ZMAT4: variants seen among roughly 807,000 people sequenced by gnomAD.
The protein encoded by ZMAT4 is zinc finger matrin-type protein 4.
A neutral mutation model predicts 28.7 loss-of-function variants in ZMAT4; 17 were observed. The ratio of observed to expected loss-of-function variants is 0.59; its 90% CI spans 0.41 to 0.89. ZMAT4 has a LOEUF of 0.89. ZMAT4 is among the 40% of genes least tolerant of loss of function. The pLI, the probability that ZMAT4 is intolerant of heterozygous loss-of-function variation, is 0.00. For synonymous variants in ZMAT4, 117 were observed against 109.2 expected (o/e 1.07, Z -0.44); for missense variants, 240 against 283.8 (o/e 0.85, Z 1.11).
intron 5 of ZMAT4, among the ~76,000 whole-genome samples, chr8:40,630,653 C>A (rs1806541324): frequency 6.6e-6 from 1 of 152,126 alleles, no homozygotes; most frequent in South Asian, 2.1e-4. Flanking sequence ...TAAGCTGTAC[C>A]ATATTACAAC....
At position 40,665,163 on chromosome 8, in the gene ZMAT4, G is replaced by T. The variant is rs1047980997; in HGVS notation, c.577+9541C>A. On this transcript the variant is annotated intron_variant, in intron 5 of 6. Transcript: ENST00000297737. ...GGAGGTTGCAGTGAGCTGAGATTGC[G>T]CCACTGCACTCCAGGCTGGGTGACA... Among the ~76,000 whole-genome samples, 7 of 151,988 alleles carry T rather than the reference G, an allele frequency of 4.6e-5. 1 individual carries two copies. In the South Asian group the frequency reaches 1.5e-3, roughly 32 times the overall value.
intron 6 of ZMAT4, among the ~76,000 whole-genome samples, chr8:40,536,324 C>A (rs1412030352): frequency 1.3e-5 from 2 of 152,184 alleles, no homozygotes; most frequent in Non-Finnish European, 2.9e-5. Context: ...GCATCCCCTG[C>A]CCCATGTCCT....
intron 5 of ZMAT4, among the ~76,000 whole-genome samples, chr8:40,591,620 G>A (rs2118582111): frequency 6.6e-6 from 1 of 152,206 alleles, no homozygotes; most frequent in Non-Finnish European, 1.5e-5. Flanking sequence ...AGAAAAAACA[G>A]CCTTACAAAG....
At chr8:40,617,289 A>G (rs948099806) in intron 5 of ZMAT4, among the ~76,000 whole-genome samples, 2 of 152,240 alleles carry the variant, frequency 1.3e-5, no homozygotes, top group Non-Finnish European at 1.5e-5. Flanking sequence ...GATGTACACA[A>G]GAAGTTTCTT....
chr8:40,815,173 G>A lies in ZMAT4; in HGVS notation c.102+10402C>T, dbSNP rs142718082. 5.6e-4 allele frequency among the ~76,000 whole-genome samples: 86 copies of A among 152,278 alleles called. No individual in the cohort carries two copies. The East Asian group carries it at 0.014, about 24-fold the overall frequency. ...GCCTGTAATCCCAGCTACTCGAGTG[G>A]CTGATGCAGGAGAATCTCTTGAATC... On this transcript the variant is annotated intron_variant, in intron 2 of 6. Coordinates refer to ENST00000297737, the MANE Select transcript of ZMAT4 (RefSeq NM_024645.3).
At chr8:40,661,092 G>A (rs1808173095) in intron 5 of ZMAT4, among the ~76,000 whole-genome samples, 1 of 152,016 alleles carries the variant, frequency 6.6e-6, no homozygotes, top group Admixed American at 6.6e-5. Context: ...TGTTCTACTT[G>A]GAGTAAATCT....
At chr8:40,843,932 T>C (rs1330846952) in intron 1 of ZMAT4, among the ~76,000 whole-genome samples, 1 of 152,206 alleles carries the variant, frequency 6.6e-6, no homozygotes, top group Non-Finnish European at 1.5e-5. Context: ...CAGTCCCTTC[T>C]ATCTTTCCCC....
chr8:40,818,881 A>G (rs1211653875), intron 2 of ZMAT4, among the ~76,000 whole-genome samples: 1 of 152,250 alleles, frequency 6.6e-6, no homozygotes, highest in Non-Finnish European at 1.5e-5. Flanking sequence ...AGAAGAAGGT[A>G]TGAGAGTCTA....
chr8:40,740,193 G>C (rs1471988216), intron 3 of ZMAT4, among the ~76,000 whole-genome samples: 1 of 151,968 alleles, frequency 6.6e-6, no homozygotes, highest in African/African-American at 2.4e-5. Context: ...TGGTATTTCT[G>C]GTATTTCTTG....
chr8:40,874,567 T>C (rs1284129014), intron 1 of ZMAT4, among the ~76,000 whole-genome samples: 1 of 152,218 alleles, frequency 6.6e-6, no homozygotes, highest in Non-Finnish European at 1.5e-5. Flanking sequence ...CACATGCATC[T>C]TTCCCTTGCT....
chr8:40,746,680 T>C (rs1413176648), intron 3 of ZMAT4, among the ~76,000 whole-genome samples: 1 of 152,118 alleles, frequency 6.6e-6, no homozygotes, highest in African/African-American at 2.4e-5. Flanking sequence ...TAGTGCCCTT[T>C]CACTTTTAGA....
chr8:40,792,221 G>GA (rs1270491305), intron 2 of ZMAT4, among the ~76,000 whole-genome samples: 5 of 151,778 alleles, frequency 3.3e-5, no homozygotes, highest in Admixed American at 3.3e-4. Flanking sequence ...TTTTGTATGT[G>GA]AAAAAAGGAT....
At chr8:40,684,628 A>G (rs1456246478) in intron 4 of ZMAT4, among the ~76,000 whole-genome samples, 1 of 152,232 alleles carries the variant, frequency 6.6e-6, no homozygotes, top group African/African-American at 2.4e-5. Context: ...AGCATTAGCT[A>G]TTCAACTAGA....
intron 5 of ZMAT4, among the ~76,000 whole-genome samples, chr8:40,657,708 A>AT (rs1239516988): frequency 6.6e-6 from 1 of 152,128 alleles, no homozygotes; most frequent in East Asian, 1.9e-4. Flanking sequence ...TAAAGAAATG[A>AT]TTTTTTTCTC....
At chr8:40,657,549 C>T (rs941132054) in intron 5 of ZMAT4, among the ~76,000 whole-genome samples, 2 of 151,808 alleles carry the variant, frequency 1.3e-5, no homozygotes, top group South Asian at 4.2e-4. Context: ...TTGTTGCTGA[C>T]ATCTATATAA....
chr8:40,677,561 G>A (rs1357770510), intron 4 of ZMAT4, among the ~76,000 whole-genome samples: 5 of 152,136 alleles, frequency 3.3e-5, no homozygotes, highest in South Asian at 4.1e-4. Context: ...CCCATAGGGT[G>A]TGGACAGAAC....
At chr8:40,648,066 T>A (rs1025967897) in intron 5 of ZMAT4, among the ~76,000 whole-genome samples, 4 of 152,188 alleles carry the variant, frequency 2.6e-5, no homozygotes, top group African/African-American at 9.7e-5. Context: ...GGAACAAAGC[T>A]GGATGGAGAA....
rs565955576 is a variant in ZMAT4 at position 40,871,703 on chromosome 8, A to G, written c.-5+25980T>C. Among the ~76,000 whole-genome samples, 3 of 152,300 alleles carry G rather than the reference A, an allele frequency of 2.0e-5. No homozygotes were observed. In the South Asian group the frequency reaches 6.2e-4, roughly 32 times the overall value. On this transcript the variant is annotated intron_variant, in intron 1 of 6. Transcript: ENST00000297737. ...CAACCCACCCGCTAGCTAGCCCAGG[A>G]CAGCACTGAGGTGTGGACTCATCCT...
chr8:40,598,970 G>C (rs1424450347), intron 5 of ZMAT4, among the ~76,000 whole-genome samples: 2 of 152,244 alleles, frequency 1.3e-5, no homozygotes, highest in East Asian at 1.9e-4. Context: ...AATTCAATAA[G>C]AGAAATAGAC....
Sources: allele counts gnomAD v4.1 joint callset (sites outside exome capture counted in the v4.1 genomes callset), GRCh38; gene constraint gnomAD v4.1.1; transcripts MANE v1.5; gene names NCBI Gene and HGNC (gene_info 2026-07-23, HGNC 2026-07-21).